Variants in FBXO46 observed in about 807,000 individuals in gnomAD.
FBXO46 encodes the protein F-box only protein 46.
FBXO46 carries 13 observed loss-of-function variants against 30.7 expected under a neutral mutation model. The ratio of observed to expected loss-of-function variants is 0.42; its 90% CI spans 0.28 to 0.67. FBXO46 has a LOEUF of 0.67. Among genes scored for constraint, FBXO46 ranks in the 30% least tolerant of loss-of-function variants. The pLI is 0.21. For missense variants in FBXO46, 754 were observed against 871.5 expected (o/e 0.87, Z 1.70); for synonymous variants, 467 against 385.8 (o/e 1.21, Z -2.47).
chr19:45,711,579 T>C lies in FBXO46; in HGVS notation c.*105A>G, dbSNP rs757202274. On this transcript the variant is annotated 3_prime_UTR_variant, in exon 2 of 2. Coordinates refer to ENST00000317683, the MANE Select transcript of FBXO46 (RefSeq NM_001080469.2). ...CTCAGTTCCGGTGAGGGATCAATGC[T>C]GCCTGGAGTAGGGGAATGGGCAGGC... The C allele has an allele frequency of 1.2e-5, 11 of 888,740 alleles. No homozygotes were observed. The highest frequency in any genetic ancestry group is 2.0e-5 in the Non-Finnish European group (11 of 556,224). 55.1% of individuals were successfully genotyped at this position (888,740 alleles called of 1,614,324 possible).
intron 1 of FBXO46, among the ~76,000 whole-genome samples, chr19:45,727,485 G>A (rs1215034906): frequency 6.6e-6 from 1 of 151,878 alleles, no homozygotes; most frequent in Non-Finnish European, 1.5e-5. Flanking sequence ...TTTGAACCCG[G>A]GAGGCGGAGA....
At position 45,712,313 on chromosome 19, in the gene FBXO46, G is replaced by A. The variant is rs1224572141; in HGVS notation, c.1183C>T (p.Leu395=). The stretch of plus-strand genomic sequence containing the variant: ...GGCGGTTCCTCCGGGCTGACCGTCA[G>A]GCACACAGTCTCCTCCTTCACGTTC... ...TKNVKEETVC[L]TVSPEEPPPP... is the part of the protein sequence containing the mutation. The change falls in exon 2 of 2, where the codon CTG becomes TTG. Residue 395 remains leucine, a synonymous_variant. Transcript: ENST00000317683. This position sits in a 1 kb window ranked among gnomAD's most constrained non-coding sequence, Gnocchi z 8.8. 2 of 1,601,658 alleles carry A rather than the reference G, an allele frequency of 1.2e-6. No homozygotes were observed. Among genetic ancestry groups the A allele is most frequent in the Admixed American group, 1.7e-5 (1 of 60,002 alleles).
At position 45,713,691 on chromosome 19, in the gene FBXO46, G is replaced by T. The variant is rs1968039861; in HGVS notation, c.-78-118C>A. The T allele has an allele frequency of 3.9e-6, 2 of 507,208 alleles. No homozygotes were observed. Among genetic ancestry groups the T allele is most frequent in the Non-Finnish European group, 3.5e-6 (1 of 284,942 alleles). The allele number at this position is 507,208 out of a possible 1,614,324, so 31.4% of individuals were successfully genotyped here. ...CCATCAAGAACTCTATTCCTGGCTGGGCGCGGTGGCTCACGCCTGTAATCC... is the reference window on the plus strand; with the variant it reads ...CCATCAAGAACTCTATTCCTGGCTGTGCGCGGTGGCTCACGCCTGTAATCC... On this transcript the variant is annotated intron_variant, in intron 1 of 1. Coordinates refer to ENST00000317683, the MANE Select transcript of FBXO46 (RefSeq NM_001080469.2). This position sits in a 1 kb window ranked among gnomAD's most constrained non-coding sequence, Gnocchi z 4.7.
intron 1 of FBXO46, among the ~76,000 whole-genome samples, chr19:45,720,352 G>A (rs1304779152): frequency 1.3e-5 from 2 of 152,048 alleles, no homozygotes; most frequent in South Asian, 2.1e-4. Context: ...GACTGGTCTC[G>A]AACTCCTGAC....
chr19:45,722,793 A>G (rs1810669502), intron 1 of FBXO46, among the ~76,000 whole-genome samples: 1 of 147,508 alleles, frequency 6.8e-6, no homozygotes, highest in South Asian at 2.1e-4. Context: ...GGGTGTGATG[A>G]CTCATGCTTG....
At chr19:45,727,270 AAAAAG>A (rs1968252303) in intron 1 of FBXO46, among the ~76,000 whole-genome samples, 1 of 151,850 alleles carries the variant, frequency 6.6e-6, no homozygotes, top group South Asian at 2.1e-4. Context: ...AAAGAAAAAA[AAAAAG>A]AGGTCGGAGC....
chr19:45,714,323 G>C (rs1413688039), intron 1 of FBXO46: 1 of 152,018 alleles, frequency 6.6e-6, no homozygotes, highest in Non-Finnish European at 1.5e-5. Flanking sequence ...CGCTGGGATG[G>C]GGATGAAAAT....
At chr19:45,721,781 C>T (rs993354287) in intron 1 of FBXO46, among the ~76,000 whole-genome samples, 3 of 151,016 alleles carry the variant, frequency 2.0e-5, no homozygotes, top group African/African-American at 7.4e-5. Flanking sequence ...CTCCTGACCT[C>T]GTGATCCACC....
chr19:45,726,667 G>A (rs1459272339), intron 1 of FBXO46, among the ~76,000 whole-genome samples: 1 of 151,556 alleles, frequency 6.6e-6, no homozygotes, highest in Non-Finnish European at 1.5e-5. Context: ...ATTGTTTGTA[G>A]AGATGAATTT....
At chr19:45,715,838 A>G (rs1177943849) in intron 1 of FBXO46, 3 of 151,786 alleles carry the variant, frequency 2.0e-5, no homozygotes, top group African/African-American at 7.3e-5. Flanking sequence ...AAAGAAAACA[A>G]AACAAAATCC....
At position 45,711,895 on chromosome 19, in the gene FBXO46, C is replaced by A. The variant is rs765557094; in HGVS notation, c.1601G>T (p.Arg534Leu). 1 of 1,613,698 alleles carries A rather than the reference C, an allele frequency of 6.2e-7. No individual in the cohort carries two copies. Among genetic ancestry groups the A allele is most frequent in the Admixed American group, 1.7e-5 (1 of 60,024 alleles). The change falls in exon 2 of 2, where the codon CGC (arginine) becomes CTC (leucine). Residue 534 changes from arginine (R) to leucine (L), a missense_variant. Coordinates refer to ENST00000317683, the MANE Select transcript of FBXO46 (RefSeq NM_001080469.2). ...CACGTCGCCCTTCTCGTATCTCTTG[C>A]GGCACTGTTTGCACGGATCATCGCG... ...LYRDDPCKQC[R>L]KRYEKGDVSL...
At chr19:45,729,741 T>C (rs2146164649) in intron 1 of FBXO46, among the ~76,000 whole-genome samples, 1 of 152,272 alleles carries the variant, frequency 6.6e-6, no homozygotes, top group African/African-American at 2.4e-5. Context: ...ATTAAATGAG[T>C]TAATGTGTAC....
chr19:45,732,586 T>TC (rs1568551382), upstream of FBXO46, among the ~76,000 whole-genome samples: 4 of 136,256 alleles, frequency 2.9e-5, no homozygotes, highest in African/African-American at 5.6e-5. Flanking sequence ...TTCTTTTTTT[T>TC]CCTTTTTTTT....
chr19:45,712,237 G>C lies in FBXO46; in HGVS notation c.1259C>G (p.Pro420Arg), dbSNP rs892221014. Residue 420 changes from proline (P) to arginine (R), a missense_variant, in exon 2 of 2, where the codon CCG becomes CGG. Physicochemically the swap from Pro to Arg is moderately radical, Grantham distance 103 (BLOSUM62 -2). Coordinates refer to ENST00000317683, the MANE Select transcript of FBXO46 (RefSeq NM_001080469.2). This position sits in a 1 kb window ranked among gnomAD's most constrained non-coding sequence, Gnocchi z 8.8. ...CGGGGAGTCGGCCGGGGGTGGCTCC[G>C]GGGGCCCGTCCGGCCCGCGGTTCTG... ...FLQNRGPDGP[P>R]EPPPADSPAT... 1 of 1,604,586 alleles carries C rather than the reference G, an allele frequency of 6.2e-7. No individual in the cohort carries two copies. Among genetic ancestry groups the C allele is most frequent in the Non-Finnish European group, 8.5e-7 (1 of 1,178,016 alleles).
intron 1 of FBXO46, among the ~76,000 whole-genome samples, chr19:45,718,183 G>A (rs1968126464): frequency 6.6e-6 from 1 of 152,112 alleles, no homozygotes; most frequent in Non-Finnish European, 1.5e-5. Context: ...GTGGGCACCT[G>A]ATCTGGCATA....
upstream of FBXO46, among the ~76,000 whole-genome samples, chr19:45,733,027 A>AGATT (rs1968347994): frequency 6.6e-6 from 1 of 152,152 alleles, no homozygotes; most frequent in South Asian, 2.1e-4. This position sits in a 1 kb window ranked among gnomAD's most constrained non-coding sequence, Gnocchi z 5.7. Context: ...GGTGCTTGGC[A>AGATT]CACAGGAGGC....
rs1182545316 is a variant in FBXO46 at position 45,712,506 on chromosome 19, C to T, written c.990G>A (p.Ala330=). The stretch of plus-strand genomic sequence containing the variant: ...GGCTGTCACCCTCACTGGCCTCATC[C>T]GCCCTGGCCAGCAGGAACTCCACGT... The part of the protein sequence containing the change: ...PSNVEFLLAR[A]DEASEGDSPA... The change falls in exon 2 of 2, where the codon GCG becomes GCA. Residue 330 remains alanine (A), a synonymous_variant. Transcript: ENST00000317683. This position sits in a 1 kb window ranked among gnomAD's most constrained non-coding sequence, Gnocchi z 8.8. The T allele has an allele frequency of 2.6e-5, 42 of 1,603,758 alleles. No individual in the cohort carries two copies. Among genetic ancestry groups the T allele is most frequent in the Non-Finnish European group, 3.3e-5 (39 of 1,174,586 alleles).
chr19:45,711,946 G>A lies in FBXO46; in HGVS notation c.1550C>T (p.Ser517Leu). The A allele has an allele frequency of 6.2e-7, 1 of 1,613,188 alleles. No individual in the cohort carries two copies. Among genetic ancestry groups the A allele is most frequent in the Non-Finnish European group, 8.5e-7 (1 of 1,179,784 alleles). The change falls in exon 2 of 2, where the codon TCG becomes TTG. Residue 517 changes from serine (S) to leucine (L), a missense_variant. Physicochemically the swap from Ser to Leu is moderately radical, Grantham distance 145. Transcript: ENST00000317683. ...IEAFGVRATD[S>L]RWSRDPLYRD... ...GTAGAGCGGGTCTCGGCTCCAGCGC[G>A]AGTCTGTGGCCCGCACGCCAAACGC...
At chr19:45,725,908 A>G (rs949387605) in intron 1 of FBXO46, among the ~76,000 whole-genome samples, 6 of 151,948 alleles carry the variant, frequency 3.9e-5, no homozygotes, top group Non-Finnish European at 8.8e-5. Context: ...GTCTCGCTCT[A>G]TCACCCAGGC....
Sources: allele counts gnomAD v4.1 joint callset (sites outside exome capture counted in the v4.1 genomes callset), GRCh38; gene constraint gnomAD v4.1.1; non-coding constraint Gnocchi (gnomAD v3.1); transcripts MANE v1.5; gene names NCBI Gene and HGNC (gene_info 2026-07-23, HGNC 2026-07-21).